Variants in UNC45A observed in about 807,000 individuals in gnomAD.
UNC45A encodes the protein unc-45 myosin chaperone A.
UNC45A carries 78 observed loss-of-function variants against 103.2 expected under a neutral mutation model. The ratio of observed to expected loss-of-function variants is 0.76; its 90% confidence interval spans 0.63 to 0.91. The LOEUF (loss-of-function observed/expected upper bound fraction) is 0.91. UNC45A is among the 40% of genes least tolerant of loss of function. The probability of loss-of-function intolerance (pLI) is 0.00; values close to 1 mark genes in which losing one functional copy is unlikely to be tolerated. For synonymous variants in UNC45A, 495 were observed against 504.6 expected, an observed-to-expected ratio of 0.98 and a Z score of 0.25; for missense variants, 1,193 against 1,224.8, an observed-to-expected ratio of 0.97 and a Z score of 0.39.
At chr15:90,950,996 A>T (rs543070837) in intron 17 of UNC45A, among the ~76,000 whole-genome samples, 9 of 149,820 alleles carry the variant, frequency 6.0e-5, no homozygotes, top group Non-Finnish European at 6.0e-5. Flanking sequence ...ATTGTGCCAT[A>T]TCAGTATATT....
At chr15:90,930,697 T>G (rs1272098531), upstream of UNC45A, 1 of 154,520 alleles carries the variant, frequency 6.5e-6, no homozygotes, top group African/African-American at 2.4e-5. Flanking sequence ...CGGGAAAGGC[T>G]GCTACCATTT....
upstream of UNC45A, chr15:90,931,391 G>A (rs2035784084): frequency 6.4e-7 from 1 of 1,571,546 alleles, no homozygotes; most frequent in Non-Finnish European, 8.6e-7. Flanking sequence ...TCCTGGACTC[G>A]ATGTTCTGAC....
rs545215851 is a variant in UNC45A, at chr15:90,948,510, T to C, written c.1738-144T>C. 1.9e-5 allele frequency: 27 copies of C among 1,388,552 alleles called. 1 individual carries two copies. In the South Asian group the frequency reaches 3.8e-4, roughly 19 times the overall value. 86.0% of individuals were successfully genotyped at this position (1,388,552 alleles called of 1,614,324 possible). A position where few individuals can be genotyped will look rare whatever the true frequency, so the allele number is the denominator to read the frequency against. On this transcript the variant is annotated intron_variant, in intron 12 of 19. Coordinates refer to ENST00000418476, the MANE Select transcript of UNC45A (RefSeq NM_018671.5). ...AGGTCAAGTTTGTAAGCTCCCAAAG[T>C]CTGGGGCCTGGGAGTTTCCCGAATT... is the stretch of plus-strand genomic sequence containing the variant.
In UNC45A at chr15:90,942,467, C is replaced by T. The variant is rs770400301; in HGVS notation, c.718C>T (p.Arg240Trp). Residue 240 changes from arginine (R) to tryptophan (W), a missense_variant, in exon 7 of 20, where the codon CGG (arginine) becomes TGG (tryptophan). Arg to Trp is a moderately radical substitution (Grantham distance 101, BLOSUM62 -3). Transcript: ENST00000418476. The stretch of plus-strand genomic sequence containing the variant: ...GGCAACCCTGAGCATACTGGGAACT[C>T]GGCGAGTAGTCTCCATCCTGGGCGT... ...TVATLSILGT[R>W]RVVSILGVES... 67 of 1,613,580 alleles carry T rather than the reference C, an allele frequency of 4.2e-5. No individual in the cohort carries two copies. The highest frequency in any genetic ancestry group is 3.3e-4 in the Middle Eastern group (2 of 6,048).
chr15:90,947,736 G>C, intron 10 of UNC45A, 60 bp from the exon 11 acceptor site: 1 of 1,289,110 alleles, frequency 7.8e-7, no homozygotes, highest in Non-Finnish European at 1.1e-6. Context: ...GCCAGGTGTG[G>C]AGGAGCTCAG....
At position 90,947,638 on chromosome 15, in the gene UNC45A, C is replaced by G. The variant is rs563270697; in HGVS notation, c.1501-158C>G. On this transcript the variant is annotated intron_variant, in intron 10 of 19. Coordinates refer to ENST00000418476, the MANE Select transcript of UNC45A (RefSeq NM_018671.5). Reference sequence around the variant, plus strand: ...CAGTAGCTGATTTTCTTGCCACATGCTCTAGGTGGTGGTCTGGAGGGAGAG... The same window carrying G: ...CAGTAGCTGATTTTCTTGCCACATGGTCTAGGTGGTGGTCTGGAGGGAGAG... 1.6e-3 allele frequency: 984 copies of G among 614,888 alleles called. 12 individuals are homozygous for G. The highest frequency in any genetic ancestry group is 2.0e-4 in the Non-Finnish European group (69 of 341,548). 38.1% of individuals were successfully genotyped at this position (614,888 alleles called of 1,614,324 possible). A position where few individuals can be genotyped will look rare whatever the true frequency, so the allele number is the denominator to read the frequency against.
chr15:90,950,059 G>A (rs959837827), intron 15 of UNC45A, 95 bp from the exon 16 acceptor site: 5 of 1,174,542 alleles, frequency 4.3e-6, no homozygotes, highest in Non-Finnish European at 6.1e-6. Context: ...GGGAGAGGGA[G>A]GAAGGTGAGG....
chr15:90,946,597 C>T lies in UNC45A; in HGVS notation c.1200-17C>T. The T allele has an allele frequency of 6.3e-7, 1 of 1,584,696 alleles. No individual in the cohort carries two copies. Among genetic ancestry groups the T allele is most frequent in the Non-Finnish European group, 8.6e-7 (1 of 1,162,880 alleles). ...ATGTTGGCCTTGGTGTGACGGCTGT[C>T]ACCCTGTGCCCCTCAGGAGCTGGTT... On this transcript the variant is annotated splice_polypyrimidine_tract_variant and intron_variant, in intron 9 of 19. Transcript: ENST00000418476.
upstream of UNC45A, chr15:90,932,617 C>G (rs1333240933): frequency 5.4e-6 from 5 of 928,968 alleles, no homozygotes; most frequent in Non-Finnish European, 7.1e-6. Context: ...GCCGGGGAGG[C>G]CCGGGGATCG....
intron 17 of UNC45A, chr15:90,952,717 G>A (rs549231615): frequency 4.5e-5 from 25 of 555,990 alleles, no homozygotes; most frequent in East Asian, 3.3e-4. Context: ...GAGCCTCCAC[G>A]CCCGGCCGAG....
In UNC45A at chr15:90,946,747, C is replaced by G. The variant is rs764572539; in HGVS notation, c.1333C>G (p.Leu445Val). Reference protein sequence around the residue: ...LSGVMESVIALCASEQEEEQL... With the variant: ...LSGVMESVIAVCASEQEEEQL... The stretch of plus-strand genomic sequence containing the variant: ...CGGTGTCATGGAGAGTGTGATTGCT[C>G]TGTGTGCCTCTGAGCAGGAGGAGGA... The change falls in exon 10 of 20, where the codon CTG (leucine) becomes GTG (valine). Residue 445 changes from leucine (L) to valine (V), a missense_variant. Transcript: ENST00000418476. The G allele has an allele frequency of 1.2e-6, 2 of 1,614,006 alleles. No homozygotes were observed. Among genetic ancestry groups the G allele is most frequent in the Non-Finnish European group, 1.7e-6 (2 of 1,180,040 alleles).
chr15:90,941,958 C>CAAAA (rs369044240), intron 6 of UNC45A, among the ~76,000 whole-genome samples: 1 of 68,772 alleles, frequency 1.5e-5, no homozygotes, highest in African/African-American at 5.5e-5. Flanking sequence ...GACTCCGTCT[C>CAAAA]AAAAAAAAAA....
intron 7 of UNC45A, 108 bp from the exon 8 acceptor site, chr15:90,942,804 G>T: frequency 2.7e-6 from 4 of 1,502,138 alleles, no homozygotes; most frequent in Non-Finnish European, 3.6e-6. Context: ...TGGAGCCTGG[G>T]ATGCGGATCC....
chr15:90,944,788 AG>A, intron 8 of UNC45A, 103 bp from the exon 9 acceptor site: 1 of 1,360,662 alleles, frequency 7.3e-7, no homozygotes, highest in South Asian at 1.4e-5. Flanking sequence ...AGAACTCTGT[AG>A]CCTTCTTGTC....
intron 6 of UNC45A, 167 bp downstream of exon 6, chr15:90,940,640 T>C (rs1429671221): frequency 7.2e-6 from 6 of 827,948 alleles, no homozygotes; most frequent in African/African-American, 1.8e-5. Context: ...AGGTAGGTTA[T>C]GGTGCCTCAC....
In UNC45A at chr15:90,936,306, A is replaced by C. The variant is rs1408236286; in HGVS notation, c.272A>C (p.Asp91Ala). Reference sequence around the variant, plus strand: ...TCAGCCATTGAAAAGGATGGTGGGGATGTCAAAGCACTCTACCGGCGGAGC... The same window carrying C: ...TCAGCCATTGAAAAGGATGGTGGGGCTGTCAAAGCACTCTACCGGCGGAGC... The part of the protein sequence containing the change: ...ASKAIEKDGG[D>A]VKALYRRSQA... The change falls in exon 4 of 20, where the codon GAT becomes GCT. Residue 91 changes from aspartate (D) to alanine (A), a missense_variant. Transcript: ENST00000418476. 1 of 1,613,426 alleles carries C rather than the reference A, an allele frequency of 6.2e-7. No individual in the cohort carries two copies. The highest frequency in any genetic ancestry group is 1.3e-5 in the African/African-American group (1 of 74,858).
In UNC45A at chr15:90,942,494, G is replaced by C; in HGVS notation, c.745G>C (p.Glu249Gln). ...TRRVVSILGV[E>Q]SQAVSLAACH... ...GCGAGTAGTCTCCATCCTGGGCGTG[G>C]AAAGCCAGGCTGTGTCCCTGGCTGC... The change falls in exon 7 of 20, where the codon GAA becomes CAA. Residue 249 changes from glutamate to glutamine, a missense_variant. Coordinates refer to ENST00000418476, the MANE Select transcript of UNC45A (RefSeq NM_018671.5). 6.2e-7 allele frequency: 1 copy of C among 1,614,152 alleles called. No homozygotes were observed. The highest frequency in any genetic ancestry group is 8.5e-7 in the Non-Finnish European group (1 of 1,180,012).
intron 4 of UNC45A, among the ~76,000 whole-genome samples, chr15:90,936,795 G>A (rs1177366071): frequency 4.6e-5 from 7 of 152,138 alleles, no homozygotes; most frequent in Non-Finnish European, 1.0e-4. Flanking sequence ...TCAAATGAGC[G>A]TATCTTGTGA....
chr15:90,936,370 C>T lies in UNC45A; in HGVS notation c.336C>T (p.Val112=). The change falls in exon 4 of 20, where the codon GTC becomes GTT. Residue 112 remains valine (V), a synonymous_variant. Transcript: ENST00000418476. ...LEKLGRLDQA[V]LDLQRCVSLE... is the part of the protein sequence containing the mutation. ...AGCTGGGCCGCCTGGACCAGGCTGT[C>T]CTTGACCTGCAGAGATGTGTGAGCT... 1 of 1,614,204 alleles carries T rather than the reference C, an allele frequency of 6.2e-7. No homozygotes were observed. The highest frequency in any genetic ancestry group is 2.2e-5 in the East Asian group (1 of 44,880).
Sources: allele counts gnomAD v4.1 joint callset (sites outside exome capture counted in the v4.1 genomes callset), GRCh38; gene constraint gnomAD v4.1.1; transcripts MANE v1.5; gene names NCBI Gene and HGNC (gene_info 2026-07-23, HGNC 2026-07-21).